CYP2J2: variants seen among roughly 807,000 people sequenced by gnomAD.
CYP2J2 encodes cytochrome P450 2J2.
Under a neutral mutation model 48.8 loss-of-function variants are expected in CYP2J2, and 41 were observed. The ratio of observed to expected loss-of-function variants is 0.84; its 90% CI spans 0.66 to 1.09. The LOEUF is 1.09. Ranked by LOEUF, CYP2J2 falls within the 50% of genes least tolerant of loss-of-function variation. The pLI, the probability that CYP2J2 is intolerant of heterozygous loss-of-function variation, is 0.00. For missense variants in CYP2J2, 644 were observed against 617.3 expected (o/e 1.04, Z -0.46); for synonymous variants, 221 against 227.1 (o/e 0.97, Z 0.24).
intron 7 of CYP2J2, among the ~76,000 whole-genome samples, chr1:59,904,137 C>T (rs1180317929): frequency 6.6e-6 from 1 of 152,068 alleles, no homozygotes; most frequent in African/African-American, 2.4e-5. Flanking sequence ...CTTTGGGAGG[C>T]CGAGGTGGGT....
the CYP2J2 span, among the ~76,000 whole-genome samples, chr1:59,940,219 A>G: frequency 6.6e-6 from 1 of 152,172 alleles, no homozygotes; most frequent in Non-Finnish European, 1.5e-5. Flanking sequence ...AGTCTCACCC[A>G]AGGCCCACAG....
intron 1 of CYP2J2, among the ~76,000 whole-genome samples, chr1:59,923,307 C>T (rs1644534250): frequency 1.3e-5 from 2 of 152,146 alleles, no homozygotes; most frequent in African/African-American, 4.8e-5. Flanking sequence ...CTGCCACCCA[C>T]AAAAGTGAGC....
intron 1 of CYP2J2, among the ~76,000 whole-genome samples, chr1:59,924,542 T>A (rs534463570): frequency 6.6e-6 from 1 of 152,226 alleles, no homozygotes; most frequent in Admixed American, 6.5e-5. Context: ...ACCTAAATGG[T>A]TGCAAGATAT....
upstream of CYP2J2, among the ~76,000 whole-genome samples, chr1:59,930,930 C>T (rs1557434008): frequency 2.0e-5 from 3 of 152,076 alleles, no homozygotes; most frequent in Admixed American, 2.0e-4. Context: ...GGCATAAATG[C>T]GTATTTCTTC....
At chr1:59,949,630 G>A in the CYP2J2 span, among the ~76,000 whole-genome samples, 11 of 151,080 alleles carry the variant, frequency 7.3e-5, no homozygotes, top group African/African-American at 1.7e-4. Context: ...AGTAAACCCC[G>A]GTAACCCCCA....
At chr1:59,953,271 T>A in the CYP2J2 span, among the ~76,000 whole-genome samples, 298 of 152,244 alleles carry the variant, frequency 2.0e-3, no homozygotes, top group African/African-American at 6.5e-3. Context: ...ATTATTAGTG[T>A]GGGAAGCATT....
intron 1 of CYP2J2, among the ~76,000 whole-genome samples, chr1:59,918,119 G>T (rs1229857718): frequency 6.6e-6 from 1 of 152,166 alleles, no homozygotes; most frequent in Non-Finnish European, 1.5e-5. Flanking sequence ...TCTCAAGTCA[G>T]TTTGCTCCTA....
chr1:59,937,754 T>G, the CYP2J2 span, among the ~76,000 whole-genome samples: 1 of 152,152 alleles, frequency 6.6e-6, no homozygotes, highest in Non-Finnish European at 1.5e-5. Context: ...TTATTGTGTT[T>G]TATTCTTCGT....
chr1:59,947,662 A>T, the CYP2J2 span, among the ~76,000 whole-genome samples: 1 of 152,180 alleles, frequency 6.6e-6, no homozygotes, highest in Non-Finnish European at 1.5e-5. Context: ...CTTCTAGAGA[A>T]TATTCATTGT....
the CYP2J2 span, among the ~76,000 whole-genome samples, chr1:59,953,202 GAATGCTCACTA>G: frequency 6.6e-6 from 1 of 152,098 alleles, no homozygotes; most frequent in African/African-American, 2.4e-5. Flanking sequence ...TTCTCTACTT[GAATGCTCACTA>G]AGTCCTCAGC....
the CYP2J2 span, among the ~76,000 whole-genome samples, chr1:59,953,446 C>A: frequency 6.6e-6 from 1 of 151,724 alleles, no homozygotes; most frequent in Non-Finnish European, 1.5e-5. Flanking sequence ...ATATATCGGG[C>A]AGTGATAATT....
chr1:59,896,330 A>G (rs1644268922), intron 8 of CYP2J2, among the ~76,000 whole-genome samples: 1 of 148,954 alleles, frequency 6.7e-6, no homozygotes, highest in Non-Finnish European at 1.5e-5. Flanking sequence ...CACACCAAGT[A>G]TATATATATA....
chr1:59,893,515 TTC>T lies in CYP2J2; in HGVS notation c.*134_*135del, dbSNP rs1644241458. 3.2e-6 allele frequency: 2 copies of T among 622,976 alleles called. No individual in the cohort carries two copies. The highest frequency in any genetic ancestry group is 5.8e-5 in the East Asian group (2 of 34,722). 38.6% of individuals were successfully genotyped at this position (622,976 alleles called of 1,614,324 possible). A position where few individuals can be genotyped will look rare whatever the true frequency, so the allele number is the denominator to read the frequency against. On this transcript the variant is annotated 3_prime_UTR_variant, in exon 9 of 9. Transcript: ENST00000371204. ...GTAGAGCTGGGATTTGGATCTAGTT[TTC>T]TCTGAGTCAAATTCCTCTGATCTTT...
intron 5 of CYP2J2, 81 bp from the exon 6 acceptor site, chr1:59,908,008 T>C: frequency 7.2e-7 from 1 of 1,386,214 alleles, no homozygotes; most frequent in Admixed American, 2.0e-5. Flanking sequence ...GGCTTCATCC[T>C]AGGAGGACAT....
chr1:59,969,041 G>T, the CYP2J2 span, among the ~76,000 whole-genome samples: 2 of 152,098 alleles, frequency 1.3e-5, no homozygotes, highest in South Asian at 2.1e-4. Flanking sequence ...GGAGTTGTTC[G>T]TTCCTCCTGG....
At chr1:59,898,097 A>G (rs574459710) in intron 8 of CYP2J2, among the ~76,000 whole-genome samples, 1 of 152,244 alleles carries the variant, frequency 6.6e-6, no homozygotes, top group Admixed American at 6.5e-5. Context: ...AGAGATGGTA[A>G]GAACAAAGCA....
the CYP2J2 span, among the ~76,000 whole-genome samples, chr1:59,942,006 C>A: frequency 6.6e-6 from 1 of 152,278 alleles, no homozygotes; most frequent in South Asian, 2.1e-4. Flanking sequence ...CACACTGACT[C>A]ACCCAGAACA....
the CYP2J2 span, among the ~76,000 whole-genome samples, chr1:59,950,623 C>T: frequency 6.6e-6 from 1 of 152,172 alleles, no homozygotes; most frequent in Non-Finnish European, 1.5e-5. Flanking sequence ...TAAATCACCC[C>T]CGACCATAGT....
chr1:59,935,015 CATATATATATATAT>C, the CYP2J2 span, among the ~76,000 whole-genome samples: 9 of 47,506 alleles, frequency 1.9e-4, no homozygotes, highest in Admixed American at 8.6e-4. Context: ...TATATATATA[CATATATATATATAT>C]ATATATATAT....
Sources: allele counts gnomAD v4.1 joint callset (sites outside exome capture counted in the v4.1 genomes callset), GRCh38; gene constraint gnomAD v4.1.1; transcripts MANE v1.5; gene names NCBI Gene and HGNC (gene_info 2026-07-23, HGNC 2026-07-21).